The following SLC44A5 variants were observed in gnomAD, a reference collection of about 807,000 sequenced individuals.
SLC44A5 encodes the protein solute carrier family 44 member 5.
SLC44A5 carries 57 observed loss-of-function variants against 101.8 expected under a neutral mutation model. The ratio of observed to expected loss-of-function variants is 0.56; its 90% CI spans 0.45 to 0.70. SLC44A5 has a LOEUF of 0.70. SLC44A5 is among the 30% of genes least tolerant of loss of function. The probability of loss-of-function intolerance (pLI) is 0.00; values close to 1 mark genes in which losing one functional copy is unlikely to be tolerated. For missense variants in SLC44A5, 737 were observed against 853.1 expected, an observed-to-expected ratio of 0.86 and a Z score of 1.70; for synonymous variants, 281 against 290.9, an observed-to-expected ratio of 0.97 and a Z score of 0.35.
At chr1:75,615,543 C>T (rs1675842004), upstream of SLC44A5, among the ~76,000 whole-genome samples, 1 of 152,058 alleles carries the variant, frequency 6.6e-6, no homozygotes, top group South Asian at 2.1e-4. Flanking sequence ...CTTCTCTCCC[C>T]ACTGCCCAGA....
intron 4 of SLC44A5, among the ~76,000 whole-genome samples, chr1:75,330,144 CATAT>C (rs1557669608): frequency 1.4e-3 from 136 of 100,730 alleles, no homozygotes; most frequent in South Asian, 0.011. Context: ...CACACACATG[CATAT>C]ACGTATATGC....
chr1:75,334,523 T>C (rs1657294836), intron 4 of SLC44A5, among the ~76,000 whole-genome samples: 1 of 152,140 alleles, frequency 6.6e-6, no homozygotes, highest in Non-Finnish European at 1.5e-5. Context: ...GACTATTATA[T>C]ATTCAGGGTA....
intron 2 of SLC44A5, among the ~76,000 whole-genome samples, chr1:75,404,482 A>C (rs552093505): frequency 6.6e-6 from 1 of 152,374 alleles, no homozygotes; most frequent in South Asian, 2.1e-4. Context: ...TAAGCCCATC[A>C]GACTAACAGT....
intron 4 of SLC44A5, among the ~76,000 whole-genome samples, chr1:75,334,705 C>T (rs565895453): frequency 2.0e-5 from 3 of 152,226 alleles, no homozygotes; most frequent in East Asian, 1.9e-4. Context: ...CCAGGTAGAA[C>T]TATCAAGTAG....
chr1:75,483,995 C>T (rs533085400), intron 2 of SLC44A5, among the ~76,000 whole-genome samples: 2 of 152,248 alleles, frequency 1.3e-5, no homozygotes, highest in East Asian at 3.9e-4. Flanking sequence ...GAAATCCACC[C>T]CCATGATCCA....
At chr1:75,349,400 T>C (rs1026163956) in intron 3 of SLC44A5, among the ~76,000 whole-genome samples, 4 of 152,130 alleles carry the variant, frequency 2.6e-5, no homozygotes, top group Non-Finnish European at 5.9e-5. Flanking sequence ...TGGAATGCGA[T>C]GTTCTAACAG....
At chr1:75,575,723 C>T (rs1184112088) in intron 1 of SLC44A5, among the ~76,000 whole-genome samples, 1 of 151,918 alleles carries the variant, frequency 6.6e-6, no homozygotes, top group Non-Finnish European at 1.5e-5. Flanking sequence ...ACAATGCAAC[C>T]CAAAAAATCT....
chr1:75,418,788 AT>A (rs1663821328), intron 2 of SLC44A5, among the ~76,000 whole-genome samples: 1 of 152,224 alleles, frequency 6.6e-6, no homozygotes, highest in South Asian at 2.1e-4. Flanking sequence ...AAGATCAGTT[AT>A]TTTTTAAATT....
chr1:75,425,964 T>C (rs886824383), intron 2 of SLC44A5, among the ~76,000 whole-genome samples: 15 of 152,204 alleles, frequency 9.9e-5, no homozygotes, highest in African/African-American at 3.6e-4. Context: ...GTGAGTTTTC[T>C]CATGCTTTCA....
At chr1:75,604,190 T>C (rs1675183305) in intron 1 of SLC44A5, among the ~76,000 whole-genome samples, 1 of 152,156 alleles carries the variant, frequency 6.6e-6, no homozygotes, top group African/African-American at 2.4e-5. Context: ...AATTTTTCCA[T>C]ATCAAACAAG....
chr1:75,413,319 C>T lies in SLC44A5; in HGVS notation c.14-16698G>A, dbSNP rs1007138372. On this transcript the variant is annotated intron_variant, in intron 2 of 23. Transcript: ENST00000370859. ...GTATATTCATAATTCAAATACTTAACATATCCATAAACAAGCATATTTTAG... is the reference window on the plus strand; with the variant it reads ...GTATATTCATAATTCAAATACTTAATATATCCATAAACAAGCATATTTTAG... Among the ~76,000 whole-genome samples, 3 of 152,058 alleles carry T rather than the reference C, an allele frequency of 2.0e-5. No homozygotes were observed. The East Asian group carries it at 5.8e-4, about 29-fold the overall frequency.
intron 1 of SLC44A5, among the ~76,000 whole-genome samples, chr1:75,568,696 CA>C: frequency 6.6e-6 from 1 of 152,298 alleles, no homozygotes; most frequent in East Asian, 1.9e-4. Context: ...CACAATGATG[CA>C]GACTGAAAAA....
At chr1:75,349,492 A>T (rs908989487) in intron 3 of SLC44A5, among the ~76,000 whole-genome samples, 1 of 152,212 alleles carries the variant, frequency 6.6e-6, no homozygotes, top group Non-Finnish European at 1.5e-5. Flanking sequence ...AGCCACCAAC[A>T]TAGAATTCTA....
At position 75,278,755 on chromosome 1, in the gene SLC44A5, G is replaced by A. The variant is rs969405118; in HGVS notation, c.176-3713C>T. Among the ~76,000 whole-genome samples the A allele has an allele frequency of 2.0e-5, 3 of 151,972 alleles. No homozygotes were observed. In the South Asian group the frequency reaches 6.2e-4, roughly 31 times the overall value. ...CAGGAGGAAATATGTATATTGAATA[G>A]GAAAATCAAATACAACAAGTGGTGT... On this transcript the variant is annotated intron_variant, in intron 5 of 23. Transcript: ENST00000370859.
intron 1 of SLC44A5, among the ~76,000 whole-genome samples, chr1:75,590,879 C>T (rs409544): frequency 0.67 from 102,538 of 151,998 alleles, 34,961 homozygotes; most frequent in East Asian, 0.84. Flanking sequence ...TAGGGGACCC[C>T]GCTACCCTGA....
intron 2 of SLC44A5, among the ~76,000 whole-genome samples, chr1:75,410,112 TAG>T (rs954860765): frequency 6.6e-6 from 1 of 152,144 alleles, no homozygotes; most frequent in East Asian, 1.9e-4. Flanking sequence ...GTGTGAATTA[TAG>T]AGAGTATATG....
chr1:75,412,955 C>T (rs954264100), intron 2 of SLC44A5, among the ~76,000 whole-genome samples: 7 of 152,100 alleles, frequency 4.6e-5, no homozygotes, highest in Non-Finnish European at 7.4e-5. Context: ...TCAATAGTAG[C>T]CTAATGCTAC....
At chr1:75,556,549 G>GCAA (rs1270410321) in intron 1 of SLC44A5, among the ~76,000 whole-genome samples, 1 of 152,046 alleles carries the variant, frequency 6.6e-6, no homozygotes. Flanking sequence ...TTTCATCCCT[G>GCAA]CAACAACCCT....
intron 1 of SLC44A5, among the ~76,000 whole-genome samples, chr1:75,551,600 G>T (rs1048483296): frequency 6.6e-6 from 1 of 152,076 alleles, no homozygotes; most frequent in South Asian, 2.1e-4. Context: ...TGGTCAGAAG[G>T]GATCAATTTG....
Sources: allele counts gnomAD v4.1 joint callset (sites outside exome capture counted in the v4.1 genomes callset), GRCh38; gene constraint gnomAD v4.1.1; transcripts MANE v1.5; gene names NCBI Gene and HGNC (gene_info 2026-07-23, HGNC 2026-07-21).